The following CNTNAP4 variants were observed in gnomAD, a reference collection of about 807,000 sequenced individuals.
CNTNAP4 encodes contactin associated protein family member 4, also known as contactin-associated protein-like 4.
In CNTNAP4, 98 loss-of-function variants were observed where a neutral mutation model predicts 148.4. That is an observed-to-expected ratio of 0.66 (90% CI 0.56 to 0.78). The LOEUF is 0.78. CNTNAP4 is among the 30% of genes least tolerant of loss of function. The probability of loss-of-function intolerance (pLI) is 0.00; values close to 1 mark genes in which losing one functional copy is unlikely to be tolerated. For missense variants in CNTNAP4, 1,935 were observed against 1,565.6 expected (o/e 1.24, Z -3.98); for synonymous variants, 730 against 565.1 (o/e 1.29, Z -4.14).
chr16:76,332,517 A>C (rs545973273), intron 2 of CNTNAP4, among the ~76,000 whole-genome samples: 1 of 151,748 alleles, frequency 6.6e-6, no homozygotes, highest in Non-Finnish European at 1.5e-5. Context: ...GGCCACCTCA[A>C]CCTCCCAAAG....
intron 15 of CNTNAP4, among the ~76,000 whole-genome samples, chr16:76,515,983 G>C (rs2083232950): frequency 6.6e-6 from 1 of 152,126 alleles, no homozygotes; most frequent in African/African-American, 2.4e-5. Flanking sequence ...GTGCAGATTT[G>C]TCACATAGGT....
At chr16:76,374,477 T>C (rs1008791570) in intron 3 of CNTNAP4, among the ~76,000 whole-genome samples, 6 of 152,106 alleles carry the variant, frequency 3.9e-5, no homozygotes, top group African/African-American at 1.4e-4. Flanking sequence ...CATGAATTAA[T>C]TAAACTCACA....
intron 10 of CNTNAP4, among the ~76,000 whole-genome samples, chr16:76,475,162 G>A (rs1193860770): frequency 6.7e-6 from 1 of 149,630 alleles, no homozygotes; most frequent in Non-Finnish European, 1.5e-5. Context: ...GGGCAACAGA[G>A]TGAGCAGCTG....
At chr16:76,308,502 A>C (rs72794945) in intron 1 of CNTNAP4, among the ~76,000 whole-genome samples, 7,556 of 152,220 alleles carry the variant, frequency 0.05, 282 homozygotes, top group Non-Finnish European at 0.076. Context: ...TGGCTACTAC[A>C]TAGGGAGAGA....
intron 3 of CNTNAP4, among the ~76,000 whole-genome samples, chr16:76,385,609 G>T (rs1320846099): frequency 1.3e-5 from 2 of 151,402 alleles, no homozygotes; most frequent in Non-Finnish European, 2.9e-5. Flanking sequence ...ATTATGCGTG[G>T]AAATTATGTT....
intron 12 of CNTNAP4, among the ~76,000 whole-genome samples, chr16:76,479,991 A>G (rs1262760523): frequency 2.0e-5 from 3 of 152,196 alleles, no homozygotes; most frequent in Non-Finnish European, 4.4e-5. Flanking sequence ...TACCAATAGA[A>G]GGAAGTTACC....
rs761879133 is a variant in CNTNAP4, at chr16:76,462,059, G to A, written c.1437G>A (p.Leu479=). ...GCCAGATGGCTTCTGCTGCTCCTCT[G>A]CTGGGGCCTGAGCAGATTTATTCGG... The part of the protein sequence containing the change: ...VDGQMASAAP[L]LGPEQIYSGG... The change falls in exon 9 of 24, where the codon CTG becomes CTA. Residue 479 remains leucine, a synonymous_variant. Coordinates refer to ENST00000611870, the MANE Select transcript of CNTNAP4 (RefSeq NM_033401.5). 9 of 1,613,842 alleles carry A rather than the reference G, an allele frequency of 5.6e-6. No individual in the cohort carries two copies. The South Asian group carries it at 9.9e-5, about 18-fold the overall frequency.
intron 1 of CNTNAP4, among the ~76,000 whole-genome samples, chr16:76,313,951 TAAAAG>T (rs1309740089): frequency 6.6e-6 from 1 of 152,122 alleles, no homozygotes; most frequent in East Asian, 1.9e-4. Context: ...GAGTATAAAA[TAAAAG>T]GCAAATGCTT....
intron 4 of CNTNAP4, among the ~76,000 whole-genome samples, chr16:76,442,421 A>G (rs1410408306): frequency 6.6e-6 from 1 of 152,122 alleles, no homozygotes; most frequent in Non-Finnish European, 1.5e-5. Context: ...AAGCTGTCTG[A>G]ATCCTTTTAT....
chr16:76,475,815 C>G (rs923982980), intron 10 of CNTNAP4, 124 bp from the exon 11 acceptor site: 4 of 642,088 alleles, frequency 6.2e-6, no homozygotes, highest in African/African-American at 5.5e-5. Flanking sequence ...TAACAACAGA[C>G]TGAAGCATCA....
chr16:76,474,076 G>C (rs1432409783), intron 10 of CNTNAP4, among the ~76,000 whole-genome samples: 1 of 152,018 alleles, frequency 6.6e-6, no homozygotes, highest in Non-Finnish European at 1.5e-5. Context: ...TTTTATAAGG[G>C]GCTTAGCTAC....
intron 17 of CNTNAP4, among the ~76,000 whole-genome samples, chr16:76,533,053 A>G (rs1287318092): frequency 6.6e-6 from 1 of 152,172 alleles, no homozygotes; most frequent in Non-Finnish European, 1.5e-5. Flanking sequence ...TTATTGCAAC[A>G]CTATTGACAA....
At chr16:76,474,670 T>A (rs1199048688) in intron 10 of CNTNAP4, among the ~76,000 whole-genome samples, 1 of 152,184 alleles carries the variant, frequency 6.6e-6, no homozygotes, top group Admixed American at 6.5e-5. Context: ...TCTTTCATTC[T>A]AAATCCTAAA....
intron 23 of CNTNAP4, among the ~76,000 whole-genome samples, chr16:76,554,742 C>T (rs2085119715): frequency 6.7e-6 from 1 of 150,034 alleles, no homozygotes; most frequent in African/African-American, 2.4e-5. Flanking sequence ...AGTTTTTGTG[C>T]CAGTAATATG....
At chr16:76,415,521 T>C (rs913162650) in intron 3 of CNTNAP4, among the ~76,000 whole-genome samples, 1 of 151,140 alleles carries the variant, frequency 6.6e-6, no homozygotes, top group South Asian at 2.1e-4. Context: ...ATACATGTTT[T>C]ATAGTACAAT....
At chr16:76,350,558 T>C (rs1350439322) in intron 2 of CNTNAP4, among the ~76,000 whole-genome samples, 1 of 152,152 alleles carries the variant, frequency 6.6e-6, no homozygotes, top group Non-Finnish European at 1.5e-5. Flanking sequence ...AGGCAACAAA[T>C]AAAAGAGATG....
At chr16:76,388,222 C>T (rs2016675417) in intron 3 of CNTNAP4, among the ~76,000 whole-genome samples, 1 of 152,218 alleles carries the variant, frequency 6.6e-6, no homozygotes, top group African/African-American at 2.4e-5. Context: ...CATTACAGCA[C>T]TGCTGTTCAT....
At chr16:76,450,544 G>A (rs2080423077) in intron 7 of CNTNAP4, among the ~76,000 whole-genome samples, 1 of 152,134 alleles carries the variant, frequency 6.6e-6, no homozygotes, top group Non-Finnish European at 1.5e-5. Context: ...GTATATTAGG[G>A]AGACATTTGA....
At chr16:76,402,313 C>T (rs1038131776) in intron 3 of CNTNAP4, among the ~76,000 whole-genome samples, 7 of 150,720 alleles carry the variant, frequency 4.6e-5, no homozygotes, top group Non-Finnish European at 7.4e-5. Flanking sequence ...TTCTAGTTTG[C>T]GTATGTAGAG....
Sources: allele counts gnomAD v4.1 joint callset (sites outside exome capture counted in the v4.1 genomes callset), GRCh38; gene constraint gnomAD v4.1.1; transcripts MANE v1.5; gene names NCBI Gene and HGNC (gene_info 2026-07-23, HGNC 2026-07-21).